The following THAP9 variants were observed in gnomAD, a reference collection of about 807,000 sequenced individuals.
THAP9 encodes the protein THAP domain containing 9, also known as DNA transposase THAP9.
A neutral mutation model predicts 35.7 loss-of-function variants in THAP9; 20 were observed. That is an observed-to-expected ratio of 0.56 (90% confidence interval 0.39 to 0.81). THAP9 has a LOEUF of 0.81. Ranked by LOEUF, THAP9 falls within the 40% of genes least tolerant of loss-of-function variation. The pLI, the probability that THAP9 is intolerant of heterozygous loss-of-function variation, is 0.00. For missense variants in THAP9, 870 were observed against 1,047.4 expected, an observed-to-expected ratio of 0.83 and a Z score of 2.34; for synonymous variants, 335 against 373.7, an observed-to-expected ratio of 0.90 and a Z score of 1.19.
rs566833838 is a variant in THAP9 at position 82,904,987 on chromosome 4, T to C, written c.276+56T>C. On this transcript the variant is annotated intron_variant, in intron 2 of 4. Transcript: ENST00000302236. ...TGAAAATTTACAGAGCCTTTAAAAA[T>C]CAAGATAGCCCCCATTATAGCTAGA... 1.7e-5 allele frequency: 27 copies of C among 1,545,504 alleles called. No individual in the cohort carries two copies. In the Middle Eastern group the frequency reaches 1.2e-3, roughly 69 times the overall value.
At chr4:82,906,788 T>C (rs1720665994) in intron 3 of THAP9, among the ~76,000 whole-genome samples, 161 bp downstream of exon 3, 1 of 152,178 alleles carries the variant, frequency 6.6e-6, no homozygotes, top group Admixed American at 6.5e-5. Flanking sequence ...AAAATTCTTT[T>C]GTATCTTATG....
chr4:82,910,580 A>T (rs1662368953), intron 4 of THAP9: 1 of 282,398 alleles, frequency 3.5e-6, no homozygotes. Flanking sequence ...TTAATGGTAT[A>T]TACGTTTCCA....
At position 82,918,232 on chromosome 4, in the gene THAP9, G is replaced by T; in HGVS notation, c.2020G>T (p.Val674Phe). The T allele has an allele frequency of 6.2e-7, 1 of 1,614,204 alleles. No homozygotes were observed. Among genetic ancestry groups the T allele is most frequent in the East Asian group, 2.2e-5 (1 of 44,886 alleles). ...ARRKDLALWT[V>F]QRQYGVSVTK... ...AAGGAAAGACTTGGCGCTTTGGACA[G>T]TTCAACGTCAGTATGGTGTCAGCGT... Residue 674 changes from valine (V) to phenylalanine (F), a missense_variant, in exon 5 of 5, where the codon GTT becomes TTT. By Grantham distance (50) the Val-to-Phe change is conservative (BLOSUM62 -1). Coordinates refer to ENST00000302236, the MANE Select transcript of THAP9 (RefSeq NM_024672.6).
At chr4:82,916,856 G>C (rs1721047816) in intron 4 of THAP9, 88 bp from the exon 5 acceptor site, 1 of 1,164,984 alleles carries the variant, frequency 8.6e-7, no homozygotes, top group Admixed American at 2.7e-5. Context: ...CTACAGGGAT[G>C]GGAGACTACT....
intron 3 of THAP9, 26 bp downstream of exon 3, chr4:82,906,653 A>G (rs1720661037): frequency 1.3e-6 from 2 of 1,524,216 alleles, no homozygotes; most frequent in Admixed American, 2.2e-5. Context: ...AACCTGTAGT[A>G]TTTACAAAAA....
At chr4:82,901,693 A>G (rs1320328080) in intron 1 of THAP9, among the ~76,000 whole-genome samples, 1 of 141,720 alleles carries the variant, frequency 7.1e-6, no homozygotes, top group Non-Finnish European at 1.5e-5. Flanking sequence ...ATGGTAGGCT[A>G]TGTATAAAAT....
In THAP9 at chr4:82,918,537, T is replaced by C. The variant is rs760924633; in HGVS notation, c.2325T>C (p.Cys775=). The change falls in exon 5 of 5, where the codon TGT becomes TGC. Residue 775 remains cysteine, a synonymous_variant. Transcript: ENST00000302236. The part of the protein sequence containing the change: ...SESLCRVINI[C]ERVVRTHSRM... ...GTCTGTGTCGGGTCATAAATATTTG[T>C]GAGCGAGTTGTAAGAACCCATTCAA... 5 of 1,614,154 alleles carry C rather than the reference T, an allele frequency of 3.1e-6. No individual in the cohort carries two copies. The Admixed American group carries it at 8.3e-5, about 27-fold the overall frequency.
At position 82,918,692 on chromosome 4, in the gene THAP9, G is replaced by A. The variant is rs1721135824; in HGVS notation, c.2480G>A (p.Cys827Tyr). 3 of 1,613,692 alleles carry A rather than the reference G, an allele frequency of 1.9e-6. No individual in the cohort carries two copies. Among genetic ancestry groups the A allele is most frequent in the Non-Finnish European group, 2.5e-6 (3 of 1,179,770 alleles). ...AAGCATCTCTTTGATGGAGAAGTGT[G>A]TGCCATCAATCACTTTGTCAAGTTG... ...VNKHLFDGEV[C>Y]AINHFVKLLK... is the part of the protein sequence containing the mutation. The change falls in exon 5 of 5, where the codon TGT becomes TAT. Residue 827 changes from cysteine (C) to tyrosine (Y), a missense_variant. Transcript: ENST00000302236.
rs751365090 is a variant in THAP9, at chr4:82,917,500, C to G, written c.1288C>G (p.Gln430Glu). The G allele has an allele frequency of 4.3e-6, 7 of 1,613,066 alleles. No individual in the cohort carries two copies. In the South Asian group the frequency reaches 7.7e-5, roughly 18 times the overall value. The stretch of plus-strand genomic sequence containing the variant: ...AATAAGAAATGCATTTCAGAATTTT[C>G]AAAGCATTCAGTTTATTAATGGTAT... ...RLIRNAFQNF[Q>E]SIQFINGIAH... The change falls in exon 5 of 5, where the codon CAA becomes GAA. Residue 430 changes from glutamine to glutamate, a missense_variant. Gln to Glu is a conservative substitution (Grantham distance 29). Around this residue, in one of 3 missense-constraint regions of THAP9, gnomAD observed 16 missense variants for 45.5 expected, o/e 0.35. Transcript: ENST00000302236.
Position 82,917,215 on chromosome 4 carries a change from A to C in THAP9, c.1003A>C (p.Thr335Pro), listed in dbSNP as rs1280555021. 1 of 1,614,122 alleles carries C rather than the reference A, an allele frequency of 6.2e-7. No homozygotes were observed. The highest frequency in any genetic ancestry group is 1.3e-5 in the African/African-American group (1 of 75,040). Reference sequence around the variant, plus strand: ...AGTGGGTATTTTTGGCCATTGGAGAACACCTCTTGGTTATTTTTTTGTAAA... The same window carrying C: ...AGTGGGTATTTTTGGCCATTGGAGACCACCTCTTGGTTATTTTTTTGTAAA... ...MAVGIFGHWRTPLGYFFVNRA... is the reference protein window; with the variant it reads ...MAVGIFGHWRPPLGYFFVNRA... Residue 335 changes from threonine to proline, a missense_variant, in exon 5 of 5, where the codon ACA becomes CCA. Thr to Pro is a conservative substitution (Grantham distance 38). This residue lies in a region of THAP9 where 440 missense variants were observed against 501.2 expected (regional missense o/e 0.88). Coordinates refer to ENST00000302236, the MANE Select transcript of THAP9 (RefSeq NM_024672.6).
rs1721123464 is a variant in THAP9, at chr4:82,918,444, CAAAGCCTCTA to C, written c.2236_2245del (p.Ala746LeufsTer24). 1 of 1,614,038 alleles carries C rather than the reference CAAAGCCTCTA, an allele frequency of 6.2e-7. No individual in the cohort carries two copies. The highest frequency in any genetic ancestry group is 1.3e-5 in the African/African-American group (1 of 74,934). On this transcript the variant is annotated frameshift_variant, in exon 5 of 5. Transcript: ENST00000302236. LOFTEE classifies it high-confidence loss of function. ...TCACTGCACTGTATGCATCGGATCT[CAAAGCCTCTA>C]AAATTGGGTCACTATTATTTGTTAA...
At position 82,900,741 on chromosome 4, in the gene THAP9, A is replaced by G; in HGVS notation, c.-62A>G. The G allele has an allele frequency of 3.2e-6, 5 of 1,554,634 alleles. No individual in the cohort carries two copies. The highest frequency in any genetic ancestry group is 1.7e-5 in the Admixed American group (1 of 59,798). ...AGCCGCAGAGTCAACGGGCGGAGCTAAAGTGGTCGTGATTCATGCTGTCGC... is the reference window on the plus strand; with the variant it reads ...AGCCGCAGAGTCAACGGGCGGAGCTGAAGTGGTCGTGATTCATGCTGTCGC... On this transcript the variant is annotated 5_prime_UTR_variant, in exon 1 of 5. Transcript: ENST00000302236.
chr4:82,901,534 T>C (rs1341332547), intron 1 of THAP9, among the ~76,000 whole-genome samples: 7 of 151,998 alleles, frequency 4.6e-5, no homozygotes, highest in African/African-American at 1.7e-4. Context: ...AAAAGAACTT[T>C]ATGGTTGGAA....
chr4:82,918,352 A>C lies in THAP9; in HGVS notation c.2140A>C (p.Asn714His), dbSNP rs545359054. The C allele has an allele frequency of 1.9e-5, 31 of 1,614,194 alleles. 1 individual carries two copies. The South Asian group carries it at 3.3e-4, about 17-fold the overall frequency. Residue 714 changes from asparagine to histidine, a missense_variant, in exon 5 of 5, where the codon AAT becomes CAT. Asn to His is a moderately conservative substitution (Grantham distance 68). Coordinates refer to ENST00000302236, the MANE Select transcript of THAP9 (RefSeq NM_024672.6). ...ALLDLSDHRR[N>H]LICYAGYVAN... ...ACTAGACCTGTCAGATCATAGGCGAAATCTCATCTGTTATGCTGGTTATGT... is the reference window on the plus strand; with the variant it reads ...ACTAGACCTGTCAGATCATAGGCGACATCTCATCTGTTATGCTGGTTATGT...
At chr4:82,901,010 A>C in intron 1 of THAP9, 128 bp downstream of exon 1, 1 of 1,146,900 alleles carries the variant, frequency 8.7e-7, no homozygotes, top group Non-Finnish European at 1.3e-6. Flanking sequence ...TGACGTGCGC[A>C]GCGTCGGGGC....
chr4:82,919,097 G>A lies in THAP9; in HGVS notation c.*173G>A. The stretch of plus-strand genomic sequence containing the variant: ...CAAAATCTCCTTATACTTTTGGTAT[G>A]GCTTGCAGCATTTATGAGTTTTCCA... On this transcript the variant is annotated 3_prime_UTR_variant, in exon 5 of 5. Coordinates refer to ENST00000302236, the MANE Select transcript of THAP9 (RefSeq NM_024672.6). The A allele has an allele frequency of 1.8e-6, 1 of 550,976 alleles. No individual in the cohort carries two copies. The highest frequency in any genetic ancestry group is 3.0e-6 in the Non-Finnish European group (1 of 328,350). The allele number at this position is 550,976 out of a possible 1,614,324, so 34.1% of individuals were successfully genotyped here.
chr4:82,905,008 C>T lies in THAP9; in HGVS notation c.276+77C>T, dbSNP rs1475658400. 2.9e-6 allele frequency: 4 copies of T among 1,387,976 alleles called. No homozygotes were observed. In the African/African-American group the frequency reaches 4.4e-5, roughly 15 times the overall value. 86.0% of individuals were successfully genotyped at this position (1,387,976 alleles called of 1,614,324 possible). A position where few individuals can be genotyped will look rare whatever the true frequency, so the allele number is the denominator to read the frequency against. On this transcript the variant is annotated intron_variant, in intron 2 of 4. Transcript: ENST00000302236. ...AAAATCAAGATAGCCCCCATTATAG[C>T]TAGAATTTGCAGACAAAAAAACCCA... is the stretch of plus-strand genomic sequence containing the variant.
intron 1 of THAP9, among the ~76,000 whole-genome samples, chr4:82,902,308 G>C (rs1042282203): frequency 1.3e-5 from 2 of 150,702 alleles, no homozygotes; most frequent in African/African-American, 4.9e-5. Context: ...GTGTTGCCCA[G>C]GTTGGTCTCC....
chr4:82,908,061 C>A, intron 4 of THAP9, 126 bp downstream of exon 4: 3 of 968,188 alleles, frequency 3.1e-6, no homozygotes, highest in Non-Finnish European at 4.5e-6. Flanking sequence ...CTTATTAAGG[C>A]TATTAGTACT....
Sources: allele counts gnomAD v4.1 joint callset (sites outside exome capture counted in the v4.1 genomes callset), GRCh38; gene constraint gnomAD v4.1.1; regional missense constraint gnomAD v4.1.1; transcripts MANE v1.5; gene names NCBI Gene and HGNC (gene_info 2026-07-23, HGNC 2026-07-21).